The following OTC variants were observed in gnomAD, a reference collection of about 807,000 sequenced individuals.
OTC encodes ornithine transcarbamylase.
OTC carries 3 observed loss-of-function variants against 30.3 expected under a neutral mutation model. The observed-to-expected ratio is 0.10, with a 90% CI of 0.05 to 0.26. The LOEUF (loss-of-function observed/expected upper bound fraction) is 0.26, where lower values mean the gene tolerates loss of function less well. Ranked by LOEUF, OTC falls within the 10% of genes least tolerant of loss-of-function variation. The probability of loss-of-function intolerance (pLI) is 1.00; values close to 1 mark genes in which losing one functional copy is unlikely to be tolerated. For missense variants in OTC, 194 were observed against 260.3 expected, an observed-to-expected ratio of 0.75 and a Z score of 1.75; for synonymous variants, 111 against 99.7, an observed-to-expected ratio of 1.11 and a Z score of -0.67.
chrX:38,369,954 C>A, intron 3 of OTC, 77 bp downstream of exon 3: 1 of 666,637 alleles, frequency 1.5e-6, no homozygotes. Flanking sequence ...TAACCCAGTG[C>A]GGGGATTTGT....
At chrX:38,328,510 A>C in the OTC span, among the ~76,000 whole-genome samples, 8 of 112,352 alleles carry the variant, frequency 7.1e-5, no homozygotes, top group African/African-American at 2.6e-4. Context: ...GAGAAAGATA[A>C]GCCAGGAGGG....
chrX:38,388,049 G>A (rs1179608315), intron 4 of OTC, among the ~76,000 whole-genome samples: 1 of 112,005 alleles, frequency 8.9e-6, no homozygotes, highest in Non-Finnish European at 1.9e-5. Flanking sequence ...CCCTTTGAAG[G>A]ACAGCCACCT....
Position 38,381,395 on chromosome X carries a change from T to G in OTC, c.352T>G (p.Leu118Val). The G allele has an allele frequency of 8.3e-7, 1 of 1,203,580 alleles. No individual in the cohort carries two copies. Among genetic ancestry groups the G allele is most frequent in the East Asian group, 3.0e-5 (1 of 33,844 alleles). ...TTTTCTTACCACACAAGATATTCAT[T>G]TGGGTGTGAATGAAAGTCTCACGGA... is the stretch of plus-strand genomic sequence containing the variant. ...PCFLTTQDIH[L>V]GVNESLTDTA... The change falls in exon 4 of 10, where the codon TTG (leucine) becomes GTG (valine). Residue 118 changes from leucine (L) to valine (V), a missense_variant. Transcript: ENST00000039007.
rs936405483 is a variant in OTC, at chrX:38,376,022, C to A, written c.299-5320C>A. ...TAGACACTGTGTGAAGAAAGCTTAT[C>A]AAGTAGAAAATGAAGATCAACTTTG... On this transcript the variant is annotated intron_variant, in intron 3 of 9. Transcript: ENST00000039007. Among the ~76,000 whole-genome samples the A allele has an allele frequency of 2.7e-5, 3 of 111,059 alleles. No homozygotes were observed. The Admixed American group carries it at 2.9e-4, about 11-fold the overall frequency.
intron 3 of OTC, among the ~76,000 whole-genome samples, chrX:38,376,627 A>T (rs1011455214): frequency 8.9e-6 from 1 of 112,240 alleles, no homozygotes; most frequent in Non-Finnish European, 1.9e-5. Context: ...GCATCCACTG[A>T]TAATGAAGGG....
chrX:38,340,532 T>A, the OTC span, among the ~76,000 whole-genome samples: 1 of 102,889 alleles, frequency 9.7e-6, no homozygotes, highest in Non-Finnish European at 2.0e-5. Flanking sequence ...AGAGAAATTA[T>A]AAACCAGGAT....
chrX:38,386,383 A>AT lies in OTC; in HGVS notation c.386+4954_386+4955insT, dbSNP rs1276098480. On this transcript the variant is annotated intron_variant, in intron 4 of 9. Transcript: ENST00000039007. ...GTGAGACTCCATCTCAAAAAAAAAAAAAAATATATATATATATATGTAACT... is the reference window on the plus strand; with the variant it reads ...GTGAGACTCCATCTCAAAAAAAAAAATAAAATATATATATATATATGTAACT... Among the ~76,000 whole-genome samples, 325 of 77,315 alleles carry AT rather than the reference A, an allele frequency of 4.2e-3. 2 individuals are homozygous for AT. Among genetic ancestry groups the AT allele is most frequent in the African/African-American group, 8.8e-3 (207 of 23,515 alleles). 67.1% of individuals were successfully genotyped at this position (77,315 alleles called of 115,157 possible). A position where few individuals can be genotyped will look rare whatever the true frequency, so the allele number is the denominator to read the frequency against.
At chrX:38,401,666 A>C (rs1169606198) in intron 5 of OTC, among the ~76,000 whole-genome samples, 1 of 111,390 alleles carries the variant, frequency 9.0e-6, no homozygotes, top group Non-Finnish European at 1.9e-5. Flanking sequence ...ATCTCATCTT[A>C]TGTTCTGTCA....
At position 38,371,364 on chromosome X, in the gene OTC, T is replaced by C. The variant is rs770999755; in HGVS notation, c.298+1487T>C. ...CCACAAATTGCCTCTTTTCTTTCTC[T>C]CTGCATTTCTGCTCTACCAGACCTC... On this transcript the variant is annotated intron_variant, in intron 3 of 9. Coordinates refer to ENST00000039007, the MANE Select transcript of OTC (RefSeq NM_000531.6). Among the ~76,000 whole-genome samples, 19 of 111,791 alleles carry C rather than the reference T, an allele frequency of 1.7e-4. No homozygotes were observed. The East Asian group carries it at 4.5e-3, about 26-fold the overall frequency.
downstream of OTC, among the ~76,000 whole-genome samples, chrX:38,422,521 G>C (rs781716658): frequency 8.9e-6 from 1 of 112,029 alleles, no homozygotes; most frequent in African/African-American, 3.2e-5. Context: ...ATAGTAACGA[G>C]CTCCCATCTC....
intron 4 of OTC, among the ~76,000 whole-genome samples, chrX:38,400,531 G>A (rs958065018): frequency 3.6e-5 from 4 of 111,122 alleles, no homozygotes; most frequent in Non-Finnish European, 7.6e-5. Flanking sequence ...CAGGGAGGCA[G>A]GTCTGACCCC....
the OTC span, among the ~76,000 whole-genome samples, chrX:38,342,677 G>A: frequency 2.7e-5 from 3 of 111,822 alleles, no homozygotes; most frequent in African/African-American, 9.8e-5. Flanking sequence ...GGAAGAAATG[G>A]TGAACTCCAG....
intron 3 of OTC, among the ~76,000 whole-genome samples, chrX:38,376,969 G>T (rs1569274648): frequency 8.9e-6 from 1 of 112,026 alleles, no homozygotes; most frequent in Admixed American, 9.5e-5. Context: ...GACTTAATCT[G>T]CACTGTAGAC....
chrX:38,364,326 A>G (rs2068285026), intron 1 of OTC, among the ~76,000 whole-genome samples: 1 of 112,096 alleles, frequency 8.9e-6, no homozygotes. Context: ...GTTGAGGACC[A>G]CTGCTTTAAA....
chrX:38,342,830 A>G, the OTC span, among the ~76,000 whole-genome samples: 1 of 112,027 alleles, frequency 8.9e-6, no homozygotes, highest in African/African-American at 3.2e-5. Context: ...TATCTTCCAG[A>G]CCCTAAATAG....
chrX:38,395,193 G>A (rs976532257), intron 4 of OTC, among the ~76,000 whole-genome samples: 1 of 110,768 alleles, frequency 9.0e-6, no homozygotes, highest in Non-Finnish European at 1.9e-5. Flanking sequence ...GGCTGGTCTC[G>A]AACTCCTGAC....
chrX:38,343,152 C>T, the OTC span, among the ~76,000 whole-genome samples: 1 of 111,898 alleles, frequency 8.9e-6, no homozygotes, highest in South Asian at 3.7e-4. Flanking sequence ...AAAATTATTA[C>T]TGGGACAGTG....
chrX:38,408,407 T>C (rs1602032847), intron 6 of OTC, among the ~76,000 whole-genome samples: 1 of 112,255 alleles, frequency 8.9e-6, no homozygotes, highest in Non-Finnish European at 1.9e-5. Flanking sequence ...CAAACATGCA[T>C]TCATTTGCAC....
At position 38,401,471 on chromosome X, in the gene OTC, A is replaced by G. The variant is rs775545666; in HGVS notation, c.540+43A>G. On this transcript the variant is annotated intron_variant, in intron 5 of 9. Transcript: ENST00000039007. ...TCTTACAAAAGAGCAAAATCAAATA[A>G]TTCCTGACTTGCTTTAAGTGAAACA... 1.3e-5 allele frequency: 14 copies of G among 1,045,322 alleles called. No homozygotes were observed. The Admixed American group carries it at 3.1e-4, about 23-fold the overall frequency. 86.1% of individuals were successfully genotyped at this position (1,045,322 alleles called of 1,213,427 possible).
Sources: allele counts gnomAD v4.1 joint callset (sites outside exome capture counted in the v4.1 genomes callset), GRCh38; gene constraint gnomAD v4.1.1; transcripts MANE v1.5; gene names NCBI Gene and HGNC (gene_info 2026-07-23, HGNC 2026-07-21).